UPF2: variants seen among roughly 807,000 people sequenced by gnomAD.
UPF2 encodes the protein UPF2 regulator of nonsense mediated mRNA decay, also known as regulator of nonsense transcripts 2.
A neutral mutation model predicts 141.4 loss-of-function variants in UPF2; 17 were observed. The observed-to-expected ratio is 0.12, with a 90% CI of 0.08 to 0.18. The LOEUF (loss-of-function observed/expected upper bound fraction) is 0.18. Ranked by LOEUF, UPF2 falls within the 10% of genes least tolerant of loss-of-function variation. The pLI, the probability that UPF2 is intolerant of heterozygous loss-of-function variation, is 1.00. For synonymous variants in UPF2, 540 were observed against 498.0 expected (o/e 1.08, Z -1.12); for missense variants, 1,152 against 1,515.9 (o/e 0.76, Z 3.99).
At position 11,920,348 on chromosome 10, in the gene UPF2, A is replaced by C. The variant is rs1433760728; in HGVS notation, c.*950T>G. On this transcript the variant is annotated 3_prime_UTR_variant, in exon 22 of 22. Coordinates refer to ENST00000357604, the MANE Select transcript of UPF2 (RefSeq NM_015542.4). Reference sequence around the variant, plus strand: ...TTTCTATTTAGTGGGGGAAAACAAAAAAAAAAACAAAACAAAAACAAAAGC... The same window carrying C: ...TTTCTATTTAGTGGGGGAAAACAAACAAAAAAACAAAACAAAAACAAAAGC... The C allele has an allele frequency of 1.3e-5, 2 of 152,184 alleles. No individual in the cohort carries two copies. Among genetic ancestry groups the C allele is most frequent in the African/African-American group, 4.8e-5 (2 of 41,430 alleles). The allele number at this position is 152,184 out of a possible 1,614,324, so 9.4% of individuals were successfully genotyped here.
At chr10:12,032,737 CAAAA>C (rs1291360872) in intron 2 of UPF2, among the ~76,000 whole-genome samples, 3 of 90,974 alleles carry the variant, frequency 3.3e-5, no homozygotes, top group Non-Finnish European at 4.6e-5. Flanking sequence ...GACCCTGTCT[CAAAA>C]AAAAAAAAAA....
intron 8 of UPF2, among the ~76,000 whole-genome samples, chr10:11,994,500 G>A (rs1206045480): frequency 6.6e-6 from 1 of 152,192 alleles, no homozygotes; most frequent in Non-Finnish European, 1.5e-5. Context: ...TAGATGGGAA[G>A]GCAAGGATAA....
intron 2 of UPF2, among the ~76,000 whole-genome samples, chr10:12,034,471 C>T (rs895101988): frequency 7.2e-5 from 11 of 151,826 alleles, no homozygotes; most frequent in Admixed American, 5.3e-4. Flanking sequence ...TACAGGCATG[C>T]GCCACCATGC....
At position 11,921,948 on chromosome 10, in the gene UPF2, G is replaced by C. The variant is rs144181139; in HGVS notation, c.3810-641C>G. Among the ~76,000 whole-genome samples, 2 of 152,160 alleles carry C rather than the reference G, an allele frequency of 1.3e-5. No homozygotes were observed. The highest frequency in any genetic ancestry group is 2.9e-5 in the Non-Finnish European group (2 of 68,024). ...ATTTGGAAACAAGGTTGCTGTAGACGTAATTACTTCAGATAAGGCCATACT... is the reference window on the plus strand; with the variant it reads ...ATTTGGAAACAAGGTTGCTGTAGACCTAATTACTTCAGATAAGGCCATACT... On this transcript the variant is annotated intron_variant, in intron 21 of 21. Transcript: ENST00000357604. The surrounding 1 kb of genome is among the most constrained non-coding windows in gnomAD (Gnocchi z 5.9).
intron 21 of UPF2, among the ~76,000 whole-genome samples, chr10:11,922,331 T>C (rs1199285440): frequency 1.3e-5 from 2 of 152,232 alleles, no homozygotes; most frequent in Non-Finnish European, 2.9e-5. Flanking sequence ...CAGAGCAAGC[T>C]ACCTTAGCAA....
Position 12,035,536 on chromosome 10 carries a change from G to T in UPF2, c.-18-95C>A, listed in dbSNP as rs1834610068. 2.3e-6 allele frequency: 3 copies of T among 1,323,116 alleles called. No homozygotes were observed. The South Asian group carries it at 5.7e-5, about 25-fold the overall frequency. 82.0% of individuals were successfully genotyped at this position (1,323,116 alleles called of 1,614,324 possible). A position where few individuals can be genotyped will look rare whatever the true frequency, so the allele number is the denominator to read the frequency against. The stretch of plus-strand genomic sequence containing the variant: ...TAAACAGAACATATTAATGCAACTT[G>T]GCAATTGTAAAAGAGTAAATAAAGG... On this transcript the variant is annotated intron_variant, in intron 1 of 21. Coordinates refer to ENST00000357604, the MANE Select transcript of UPF2 (RefSeq NM_015542.4).
chr10:12,033,780 C>T lies in UPF2; in HGVS notation c.365+1279G>A, dbSNP rs1349575635. On this transcript the variant is annotated intron_variant, in intron 2 of 21. Coordinates refer to ENST00000357604, the MANE Select transcript of UPF2 (RefSeq NM_015542.4). Reference sequence around the variant, plus strand: ...ACCAGGCTGGTCTTGAACTCCTGAGCTCAACCAATCCTCCTGCCTCAGCCT... The same window carrying T: ...ACCAGGCTGGTCTTGAACTCCTGAGTTCAACCAATCCTCCTGCCTCAGCCT... 3.9e-5 allele frequency among the ~76,000 whole-genome samples: 6 copies of T among 152,268 alleles called. No homozygotes were observed. The East Asian group carries it at 1.2e-3, about 29-fold the overall frequency.
chr10:12,000,458 A>C (rs1833934004), intron 6 of UPF2, among the ~76,000 whole-genome samples: 1 of 152,130 alleles, frequency 6.6e-6, no homozygotes, highest in Admixed American at 6.6e-5. Flanking sequence ...CAGAGAGAAA[A>C]GCAATATTGA....
intron 18 of UPF2, among the ~76,000 whole-genome samples, chr10:11,941,325 C>T (rs765206871): frequency 6.6e-5 from 10 of 152,266 alleles, no homozygotes; most frequent in Non-Finnish European, 4.4e-5. Flanking sequence ...TATTTGATTG[C>T]TTGCGCTCCT....
chr10:11,921,113 G>A lies in UPF2; in HGVS notation c.*185C>T, dbSNP rs1231647121. On this transcript the variant is annotated 3_prime_UTR_variant, in exon 22 of 22. Coordinates refer to ENST00000357604, the MANE Select transcript of UPF2 (RefSeq NM_015542.4). The surrounding 1 kb of genome is among the most constrained non-coding windows in gnomAD (Gnocchi z 5.9). ...TTTTCCGCCTTGTCTGGAAGCGTCG[G>A]CTTGTTCCGGTGTTGGCAGAGGCTG... 1 of 833,746 alleles carries A rather than the reference G, an allele frequency of 1.2e-6. No homozygotes were observed. Among genetic ancestry groups the A allele is most frequent in the African/African-American group, 1.7e-5 (1 of 60,146 alleles). 51.6% of individuals were successfully genotyped at this position (833,746 alleles called of 1,614,324 possible). A position where few individuals can be genotyped will look rare whatever the true frequency, so the allele number is the denominator to read the frequency against.
intron 1 of UPF2, among the ~76,000 whole-genome samples, chr10:12,038,557 C>T (rs535581102): frequency 1.3e-5 from 2 of 151,994 alleles, no homozygotes; most frequent in East Asian, 1.9e-4. Context: ...GTGGAAGCCC[C>T]GTCTCTACTA....
intron 7 of UPF2, among the ~76,000 whole-genome samples, chr10:11,999,527 A>C (rs1352523845): frequency 6.6e-6 from 1 of 151,362 alleles, no homozygotes; most frequent in Non-Finnish European, 1.5e-5. Flanking sequence ...AAAAAAAAAA[A>C]AAAAAACACA....
chr10:12,008,446 T>C (rs535477934), intron 4 of UPF2, among the ~76,000 whole-genome samples: 30 of 151,724 alleles, frequency 2.0e-4, no homozygotes, highest in South Asian at 1.0e-3. Flanking sequence ...CTGGCTAACA[T>C]AGTGAAACCC....
chr10:11,973,636 T>C (rs1833456876), intron 9 of UPF2, among the ~76,000 whole-genome samples: 1 of 152,244 alleles, frequency 6.6e-6, no homozygotes, highest in Non-Finnish European at 1.5e-5. Flanking sequence ...ATTTATTAAA[T>C]AGGGAATCCT....
intron 18 of UPF2, among the ~76,000 whole-genome samples, chr10:11,937,435 C>G (rs1451590101): frequency 6.6e-6 from 1 of 152,166 alleles, no homozygotes; most frequent in Non-Finnish European, 1.5e-5. Context: ...CTACCTGTAC[C>G]TGGCTGAGAG....
intron 11 of UPF2, among the ~76,000 whole-genome samples, chr10:11,963,241 A>C (rs1376562272): frequency 6.6e-6 from 1 of 152,164 alleles, no homozygotes; most frequent in Non-Finnish European, 1.5e-5. Context: ...TACGTAGTTA[A>C]CTCTCACCCA....
chr10:12,035,500 CA>C, intron 1 of UPF2, 59 bp from the exon 2 acceptor site: 1 of 1,453,476 alleles, frequency 6.9e-7, no homozygotes, highest in Non-Finnish European at 9.0e-7. Context: ...AATGATATCA[CA>C]CTATTTTTTT....
intron 4 of UPF2, among the ~76,000 whole-genome samples, chr10:12,012,256 T>C (rs542527852): frequency 0.31 from 92 of 296 alleles, no homozygotes; most frequent in African/African-American, 0.45. Flanking sequence ...AGAGACACGG[T>C]TTCACCATGT....
intron 16 of UPF2, among the ~76,000 whole-genome samples, chr10:11,945,045 T>C (rs1190895963): frequency 6.6e-6 from 1 of 152,298 alleles, no homozygotes; most frequent in East Asian, 1.9e-4. Flanking sequence ...GCAGTAACCA[T>C]GAACAATAAA....
Sources: allele counts gnomAD v4.1 joint callset (sites outside exome capture counted in the v4.1 genomes callset), GRCh38; gene constraint gnomAD v4.1.1; non-coding constraint Gnocchi (gnomAD v3.1); transcripts MANE v1.5; gene names NCBI Gene and HGNC (gene_info 2026-07-23, HGNC 2026-07-21).